BORCS5: variants seen among roughly 807,000 people sequenced by gnomAD.
BORCS5 encodes BLOC-1-related complex subunit 5.
A neutral mutation model predicts 22.1 loss-of-function variants in BORCS5; 17 were observed. That is an observed-to-expected ratio of 0.77 (90% confidence interval 0.53 to 1.15). BORCS5 has a LOEUF of 1.15. BORCS5 is among the 50% of genes most tolerant of loss of function. The probability of loss-of-function intolerance (pLI) is 0.00; values close to 1 mark genes in which losing one functional copy is unlikely to be tolerated. For missense variants in BORCS5, 247 were observed against 253.2 expected (o/e 0.98, Z 0.17); for synonymous variants, 117 against 99.8 (o/e 1.17, Z -1.03).
At chr12:12,411,752 T>C (rs938003026) in intron 2 of BORCS5, among the ~76,000 whole-genome samples, 1 of 152,170 alleles carries the variant, frequency 6.6e-6, no homozygotes, top group Non-Finnish European at 1.5e-5. Context: ...ATTAAACGTT[T>C]TATTGTTTTA....
intron 3 of BORCS5, chr12:12,436,022 CAT>C (rs1384983656): frequency 2.3e-6 from 1 of 429,516 alleles, no homozygotes; most frequent in Non-Finnish European, 4.1e-6. Flanking sequence ...TCAGTTTCCT[CAT>C]GTGAAAAATG....
At chr12:12,376,975 T>C (rs1222736238) in intron 2 of BORCS5, among the ~76,000 whole-genome samples, 1 of 152,180 alleles carries the variant, frequency 6.6e-6, no homozygotes, top group African/African-American at 2.4e-5. Context: ...GATTGGGAAA[T>C]ATACATGTTC....
chr12:12,390,874 T>A (rs1361742347), intron 2 of BORCS5, among the ~76,000 whole-genome samples: 1 of 151,984 alleles, frequency 6.6e-6, no homozygotes, highest in East Asian at 1.9e-4. Context: ...CCCAAAGTGC[T>A]AGGAGTACAG....
intron 2 of BORCS5, among the ~76,000 whole-genome samples, chr12:12,432,893 G>A (rs1942463225): frequency 6.6e-6 from 1 of 152,184 alleles, no homozygotes; most frequent in South Asian, 2.1e-4. Flanking sequence ...GGGGATGAGA[G>A]AAAGAGTGGG....
At chr12:12,373,302 G>T (rs777530808) in intron 2 of BORCS5, among the ~76,000 whole-genome samples, 14 of 152,178 alleles carry the variant, frequency 9.2e-5, no homozygotes, top group Non-Finnish European at 1.9e-4. Flanking sequence ...AATGTATGTT[G>T]TTTAAGCCAT....
chr12:12,392,241 T>C (rs1165528726), intron 2 of BORCS5, among the ~76,000 whole-genome samples: 2 of 151,766 alleles, frequency 1.3e-5, no homozygotes, highest in Non-Finnish European at 2.9e-5. Context: ...TAGTGTCCCT[T>C]TTAGAGATGA....
intron 2 of BORCS5, among the ~76,000 whole-genome samples, chr12:12,413,810 G>A (rs1941816347): frequency 1.3e-5 from 1 of 75,356 alleles, no homozygotes; most frequent in African/African-American, 7.9e-5. Flanking sequence ...TCACCTCCCG[G>A]ACGGGGCGGC....
At chr12:12,369,872 G>A (rs994187490) in intron 2 of BORCS5, among the ~76,000 whole-genome samples, 2 of 151,212 alleles carry the variant, frequency 1.3e-5, no homozygotes, top group African/African-American at 4.9e-5. Context: ...CTACAGGTGT[G>A]CGTCACCATG....
At chr12:12,361,071 C>A in intron 1 of BORCS5, 135 bp from the exon 2 acceptor site, 2 of 815,474 alleles carry the variant, frequency 2.5e-6, no homozygotes, top group Non-Finnish European at 3.9e-6. Context: ...ATAATTCATC[C>A]CTGCCACCCC....
At chr12:12,430,691 T>G (rs1258455587) in intron 2 of BORCS5, among the ~76,000 whole-genome samples, 6 of 152,216 alleles carry the variant, frequency 3.9e-5, no homozygotes, top group Non-Finnish European at 8.8e-5. Context: ...AAGTATACTA[T>G]GAAATTCCCC....
Position 12,467,503 on chromosome 12 carries a change from T to G in BORCS5, c.*1727T>G, listed in dbSNP as rs1261993148. On this transcript the variant is annotated 3_prime_UTR_variant, in exon 4 of 4. Transcript: ENST00000314565. The stretch of plus-strand genomic sequence containing the variant: ...CAGCTCTCCAGCCAACTGTGTCTAC[T>G]TCTAAAGTAGAAGTTAGACAAAACA... The G allele has an allele frequency of 2.0e-5, 3 of 152,308 alleles. No homozygotes were observed. The highest frequency in any genetic ancestry group is 2.0e-4 in the Admixed American group (3 of 15,286). 9.4% of individuals were successfully genotyped at this position (152,308 alleles called of 1,614,324 possible).
intron 3 of BORCS5, among the ~76,000 whole-genome samples, chr12:12,460,847 G>T (rs962549588): frequency 1.3e-5 from 2 of 152,128 alleles, no homozygotes; most frequent in Non-Finnish European, 2.9e-5. Flanking sequence ...TGGTCATAAT[G>T]TATTATCCTT....
Position 12,465,937 on chromosome 12 carries a change from A to G in BORCS5, c.*161A>G. On this transcript the variant is annotated 3_prime_UTR_variant, in exon 4 of 4. Coordinates refer to ENST00000314565, the MANE Select transcript of BORCS5 (RefSeq NM_058169.6). ...CTGGCATGAAAATCTGACTTTGCCCAGCTCTTTTCCTTGATGCAGTTTCCC... is the reference window on the plus strand; with the variant it reads ...CTGGCATGAAAATCTGACTTTGCCCGGCTCTTTTCCTTGATGCAGTTTCCC... 2 of 610,954 alleles carry G rather than the reference A, an allele frequency of 3.3e-6. No individual in the cohort carries two copies. Among genetic ancestry groups the G allele is most frequent in the South Asian group, 4.1e-5 (2 of 49,142 alleles). The allele number at this position is 610,954 out of a possible 1,614,324, so 37.8% of individuals were successfully genotyped here. A position where few individuals can be genotyped will look rare whatever the true frequency, so the allele number is the denominator to read the frequency against.
chr12:12,425,072 A>T (rs1454620012), intron 2 of BORCS5, among the ~76,000 whole-genome samples: 1 of 152,170 alleles, frequency 6.6e-6, no homozygotes, highest in East Asian at 1.9e-4. Flanking sequence ...TGATCAGAGC[A>T]TAGATTCATA....
At chr12:12,454,322 TCA>T (rs1295694107) in intron 3 of BORCS5, among the ~76,000 whole-genome samples, 4 of 152,240 alleles carry the variant, frequency 2.6e-5, no homozygotes, top group African/African-American at 9.6e-5. Flanking sequence ...TCCAGTTTCT[TCA>T]CACCCTCACT....
intron 3 of BORCS5, among the ~76,000 whole-genome samples, chr12:12,436,811 T>G (rs181176559): frequency 1.4e-4 from 22 of 152,358 alleles, no homozygotes; most frequent in African/African-American, 5.1e-4. Context: ...TTTCATAAAA[T>G]GTTGCATGCA....
At chr12:12,436,051 C>T (rs1243552922) in intron 3 of BORCS5, among the ~76,000 whole-genome samples, 1 of 152,206 alleles carries the variant, frequency 6.6e-6, no homozygotes, top group Non-Finnish European at 1.5e-5. Context: ...ATAGTAGTAA[C>T]TTACCCCAAG....
intron 2 of BORCS5, among the ~76,000 whole-genome samples, chr12:12,385,796 C>T (rs1863867580): frequency 6.6e-6 from 1 of 151,394 alleles, no homozygotes; most frequent in African/African-American, 2.4e-5. Flanking sequence ...GCGTGAGCCG[C>T]CACACTTGGC....
chr12:12,452,165 G>A (rs1363247163), intron 3 of BORCS5: 2 of 573,730 alleles, frequency 3.5e-6, no homozygotes, highest in Non-Finnish European at 6.8e-6. Context: ...TATTTCTTGG[G>A]ATCTCAGGAA....
Sources: allele counts gnomAD v4.1 joint callset (sites outside exome capture counted in the v4.1 genomes callset), GRCh38; gene constraint gnomAD v4.1.1; transcripts MANE v1.5; gene names NCBI Gene and HGNC (gene_info 2026-07-23, HGNC 2026-07-21).